MYCBP2: variants seen among roughly 807,000 people sequenced by gnomAD.
The protein encoded by MYCBP2 is MYC binding protein 2.
MYCBP2 carries 120 observed loss-of-function variants against 525.3 expected under a neutral mutation model. The ratio of observed to expected loss-of-function variants is 0.23; its 90% CI spans 0.20 to 0.27. The LOEUF is 0.27. Ranked by LOEUF, MYCBP2 falls within the 10% of genes least tolerant of loss-of-function variation. MYCBP2 has a pLI of 1.00. For synonymous variants in MYCBP2, 1,894 were observed against 1,955.8 expected, an observed-to-expected ratio of 0.97 and a Z score of 0.83; for missense variants, 4,149 against 5,657.1, an observed-to-expected ratio of 0.73 and a Z score of 8.55.
At chr13:77,147,558 T>C (rs1397149886) in intron 47 of MYCBP2, among the ~76,000 whole-genome samples, 1 of 152,060 alleles carries the variant, frequency 6.6e-6, no homozygotes. Context: ...AAAGCCCCCT[T>C]CCTTCTCTCT....
intron 17 of MYCBP2, among the ~76,000 whole-genome samples, chr13:77,239,638 G>A (rs972619647): frequency 1.3e-5 from 2 of 152,164 alleles, no homozygotes; most frequent in Non-Finnish European, 2.9e-5. Flanking sequence ...CGCTATTAAA[G>A]CACAGTTTAC....
chr13:77,313,481 C>T (rs1007304679), intron 1 of MYCBP2, among the ~76,000 whole-genome samples: 2 of 151,960 alleles, frequency 1.3e-5, no homozygotes, highest in African/African-American at 2.4e-5. Flanking sequence ...CAAAAATTAA[C>T]TCAAAATGGA....
chr13:77,201,738 C>G (rs1296022696), intron 26 of MYCBP2, among the ~76,000 whole-genome samples: 2 of 152,012 alleles, frequency 1.3e-5, no homozygotes, highest in African/African-American at 4.8e-5. Flanking sequence ...GATTAAGAAT[C>G]TCACTCAAAA....
chr13:77,273,684 A>G lies in MYCBP2; in HGVS notation c.749-16T>C, dbSNP rs2075169061. On this transcript the variant is annotated splice_polypyrimidine_tract_variant and intron_variant, in intron 4 of 82. Coordinates refer to ENST00000544440, the MANE Select transcript of MYCBP2 (RefSeq NM_015057.5). ...AAGAGAGACTCTGTGGATAAAATAGAATTCAATTATATTCATCCAACATAC... is the reference window on the plus strand; with the variant it reads ...AAGAGAGACTCTGTGGATAAAATAGGATTCAATTATATTCATCCAACATAC... 2 of 1,464,370 alleles carry G rather than the reference A, an allele frequency of 1.4e-6. No homozygotes were observed. The highest frequency in any genetic ancestry group is 9.0e-7 in the Non-Finnish European group (1 of 1,105,732). 90.7% of individuals were successfully genotyped at this position (1,464,370 alleles called of 1,614,324 possible). A position where few individuals can be genotyped will look rare whatever the true frequency, so the allele number is the denominator to read the frequency against.
At chr13:77,119,098 A>G (rs903064740) in intron 55 of MYCBP2, among the ~76,000 whole-genome samples, 1 of 152,230 alleles carries the variant, frequency 6.6e-6, no homozygotes, top group Non-Finnish European at 1.5e-5. Context: ...TGAATAATTT[A>G]AAAATCTGTA....
rs1167109091 is a variant in MYCBP2, at chr13:77,185,917, A to G, written c.4398T>C (p.Cys1466=). Residue 1466 remains cysteine (C), a synonymous_variant, in exon 31 of 83, where the codon TGT becomes TGC. Transcript: ENST00000544440. ...AGGTATAGACACGCAATAACCTCAG[A>G]CAACAGGTACCCACAAAGCGCAGTC... is the stretch of plus-strand genomic sequence containing the variant. ...LERLRFVGTC[C]LRLLRVYTCE... is the part of the protein sequence containing the mutation. The G allele has an allele frequency of 6.2e-7, 1 of 1,612,156 alleles. No individual in the cohort carries two copies. The highest frequency in any genetic ancestry group is 2.2e-5 in the East Asian group (1 of 44,840).
At chr13:77,294,835 C>G (rs1211552167) in intron 2 of MYCBP2, among the ~76,000 whole-genome samples, 1 of 152,190 alleles carries the variant, frequency 6.6e-6, no homozygotes, top group Non-Finnish European at 1.5e-5. Flanking sequence ...CTTAGGGTAA[C>G]TATTCCTCCC....
chr13:77,245,599 C>T (rs138907688), intron 15 of MYCBP2, among the ~76,000 whole-genome samples: 4,334 of 149,786 alleles, frequency 0.029, 90 homozygotes, highest in East Asian at 0.051. Context: ...CATACTGGGG[C>T]CTGTTGGGGG....
intron 53 of MYCBP2, among the ~76,000 whole-genome samples, chr13:77,125,691 T>G (rs908598683): frequency 1.3e-5 from 2 of 152,188 alleles, no homozygotes; most frequent in African/African-American, 4.8e-5. Context: ...AATAATAACT[T>G]TCAAAGCACA....
In MYCBP2 at chr13:77,059,614, G is replaced by A. The variant is rs142015517; in HGVS notation, c.13049C>T (p.Thr4350Met). Reference protein sequence around the residue: ...EFREHTGKPTTSSSEACRFCG... With the variant: ...EFREHTGKPTMSSSEACRFCG... ...GAAGCGACATGCTTCTGAGCTACTCGTGGTGGGTTTGCCTAGGTTCAAGCA... is the reference window on the plus strand; with the variant it reads ...GAAGCGACATGCTTCTGAGCTACTCATGGTGGGTTTGCCTAGGTTCAAGCA... The change falls in exon 77 of 83, where the codon ACG becomes ATG. Residue 4350 changes from threonine (T) to methionine (M), a missense_variant. Thr to Met is a moderately conservative substitution (Grantham distance 81). Coordinates refer to ENST00000544440, the MANE Select transcript of MYCBP2 (RefSeq NM_015057.5). 128 of 1,613,626 alleles carry A rather than the reference G, an allele frequency of 7.9e-5. No homozygotes were observed. Among genetic ancestry groups the A allele is most frequent in the African/African-American group, 6.3e-4 (47 of 74,992 alleles).
At chr13:77,056,513 T>C (rs2038095850) in intron 79 of MYCBP2, among the ~76,000 whole-genome samples, 1 of 152,218 alleles carries the variant, frequency 6.6e-6, no homozygotes, top group East Asian at 1.9e-4. Flanking sequence ...CTGACTACCT[T>C]TGTACAAATG....
At chr13:77,227,601 T>C (rs1326232330) in intron 18 of MYCBP2, among the ~76,000 whole-genome samples, 9 of 152,168 alleles carry the variant, frequency 5.9e-5, no homozygotes, top group Non-Finnish European at 1.0e-4. Flanking sequence ...TAAAAATGTC[T>C]AATTATTAAA....
chr13:77,049,856 G>A (rs9600809), intron 82 of MYCBP2, among the ~76,000 whole-genome samples: 4,367 of 152,118 alleles, frequency 0.029, 226 homozygotes, highest in African/African-American at 0.097. Flanking sequence ...GGCTGGTCTC[G>A]TACTCCTGAC....
chr13:77,072,231 C>T lies in MYCBP2; in HGVS notation c.11824-1520G>A, dbSNP rs183874006. On this transcript the variant is annotated intron_variant, in intron 68 of 82. Coordinates refer to ENST00000544440, the MANE Select transcript of MYCBP2 (RefSeq NM_015057.5). ...GCGTGAACCCAGGAGTCAGAGCTTGCAGTGAGCCGAGATTGCACCACTGCA... is the reference window on the plus strand; with the variant it reads ...GCGTGAACCCAGGAGTCAGAGCTTGTAGTGAGCCGAGATTGCACCACTGCA... Among the ~76,000 whole-genome samples the T allele has an allele frequency of 9.5e-5, 14 of 147,326 alleles. No individual in the cohort carries two copies. The Admixed American group carries it at 9.7e-4, about 10-fold the overall frequency.
intron 73 of MYCBP2, among the ~76,000 whole-genome samples, chr13:77,063,442 C>T (rs780353253): frequency 4.6e-5 from 7 of 151,634 alleles, no homozygotes; most frequent in Admixed American, 6.6e-5. Flanking sequence ...GCCTGTAATC[C>T]GAGCTACTTG....
chr13:77,196,515 T>A (rs1260826185), intron 26 of MYCBP2, among the ~76,000 whole-genome samples: 1 of 152,196 alleles, frequency 6.6e-6, no homozygotes, highest in Non-Finnish European at 1.5e-5. Flanking sequence ...CCCAACCTGA[T>A]AGCAGTGGCA....
chr13:77,294,106 A>ATC (rs2077793761), intron 2 of MYCBP2, among the ~76,000 whole-genome samples: 1 of 44,940 alleles, frequency 2.2e-5, no homozygotes, highest in African/African-American at 5.4e-5. Context: ...TATAATGGCT[A>ATC]TATATATATA....
chr13:77,258,925 G>A (rs9574024), intron 13 of MYCBP2, among the ~76,000 whole-genome samples: 2 of 152,202 alleles, frequency 1.3e-5, no homozygotes, highest in East Asian at 3.9e-4. Context: ...CTGTTACCCA[G>A]TTAAAGATTA....
Position 77,185,914 on chromosome 13 carries a change from C to G in MYCBP2, c.4401G>C (p.Leu1467=), listed in dbSNP as rs377177103. The change falls in exon 31 of 83, where the codon CTG becomes CTC. Residue 1467 remains leucine, a synonymous_variant. Transcript: ENST00000544440. Reference sequence around the variant, plus strand: ...CACAGGTATAGACACGCAATAACCTCAGACAACAGGTACCCACAAAGCGCA... The same window carrying G: ...CACAGGTATAGACACGCAATAACCTGAGACAACAGGTACCCACAAAGCGCA... The part of the protein sequence containing the change: ...ERLRFVGTCC[L]RLLRVYTCEI... 12 of 1,611,954 alleles carry G rather than the reference C, an allele frequency of 7.4e-6. No homozygotes were observed. The East Asian group carries it at 1.8e-4, about 24-fold the overall frequency.
Sources: allele counts gnomAD v4.1 joint callset (sites outside exome capture counted in the v4.1 genomes callset), GRCh38; gene constraint gnomAD v4.1.1; transcripts MANE v1.5; gene names NCBI Gene and HGNC (gene_info 2026-07-23, HGNC 2026-07-21).